NT5DC1: variants seen among roughly 807,000 people sequenced by gnomAD.
NT5DC1 encodes the protein 5'-nucleotidase domain-containing protein 1.
In NT5DC1, 42 loss-of-function variants were observed where a neutral mutation model predicts 59.4. The observed-to-expected ratio is 0.71, with a 90% CI of 0.55 to 0.92. The LOEUF is 0.92. Among genes scored for constraint, NT5DC1 ranks in the 40% least tolerant of loss-of-function variants. The pLI, the probability that NT5DC1 is intolerant of heterozygous loss-of-function variation, is 0.00. For missense variants in NT5DC1, 501 were observed against 537.1 expected (o/e 0.93, Z 0.66); for synonymous variants, 172 against 188.1 (o/e 0.91, Z 0.70).
chr6:116,111,497 A>G (rs1239511471), intron 4 of NT5DC1, among the ~76,000 whole-genome samples: 2 of 152,256 alleles, frequency 1.3e-5, no homozygotes, highest in Non-Finnish European at 2.9e-5. Flanking sequence ...TTATAGACAT[A>G]GATGTGCATA....
Position 116,244,172 on chromosome 6 carries a change from T to G in NT5DC1, c.*148T>G. 4.3e-6 allele frequency: 2 copies of G among 465,960 alleles called. No homozygotes were observed. Among genetic ancestry groups the G allele is most frequent in the Non-Finnish European group, 3.8e-6 (1 of 260,842 alleles). 28.9% of individuals were successfully genotyped at this position (465,960 alleles called of 1,614,324 possible). A position where few individuals can be genotyped will look rare whatever the true frequency, so the allele number is the denominator to read the frequency against. On this transcript the variant is annotated 3_prime_UTR_variant, in exon 12 of 12. Coordinates refer to ENST00000319550, the MANE Select transcript of NT5DC1 (RefSeq NM_152729.3). Reference sequence around the variant, plus strand: ...CCATAGGTCTCCTTTCTATAAATCATCTTGATGTTTAACAACTCTTATTAT... The same window carrying G: ...CCATAGGTCTCCTTTCTATAAATCAGCTTGATGTTTAACAACTCTTATTAT...
intron 6 of NT5DC1, among the ~76,000 whole-genome samples, chr6:116,182,165 G>A (rs946347892): frequency 2.6e-5 from 4 of 151,338 alleles, no homozygotes; most frequent in Admixed American, 2.0e-4. Flanking sequence ...TTTCATCCAG[G>A]TTGCTACAAA....
chr6:116,244,753 CTT>C lies in NT5DC1; in HGVS notation c.*730_*731del, dbSNP rs201202601. On this transcript the variant is annotated 3_prime_UTR_variant, in exon 12 of 12. Coordinates refer to ENST00000319550, the MANE Select transcript of NT5DC1 (RefSeq NM_152729.3). The stretch of plus-strand genomic sequence containing the variant: ...AAAACAAGAAAATAAAAAGACATGA[CTT>C]ATTCTCTGTTCATACAGCAAGTATG... 41 of 152,282 alleles carry C rather than the reference CTT, an allele frequency of 2.7e-4. No individual in the cohort carries two copies. In the East Asian group the frequency reaches 7.5e-3, roughly 28 times the overall value. The allele number at this position is 152,282 out of a possible 1,614,324, so 9.4% of individuals were successfully genotyped here. A position where few individuals can be genotyped will look rare whatever the true frequency, so the allele number is the denominator to read the frequency against.
chr6:116,215,113 T>A (rs568648979), intron 6 of NT5DC1, among the ~76,000 whole-genome samples: 1 of 152,248 alleles, frequency 6.6e-6, no homozygotes, highest in African/African-American at 2.4e-5. Flanking sequence ...GCTTTCCTGG[T>A]TCTGAACATT....
intron 6 of NT5DC1, among the ~76,000 whole-genome samples, chr6:116,130,126 T>C (rs1779424644): frequency 6.6e-6 from 1 of 152,152 alleles, no homozygotes; most frequent in Non-Finnish European, 1.5e-5. Flanking sequence ...TTTTATTTAT[T>C]AGCTAGGATA....
rs1358193083 is a variant in NT5DC1 at position 116,114,488 on chromosome 6, G to A, written c.365-1203G>A. Among the ~76,000 whole-genome samples the A allele has an allele frequency of 6.6e-5, 8 of 121,130 alleles. No homozygotes were observed. In the Admixed American group the frequency reaches 7.7e-4, roughly 12 times the overall value. 79.5% of individuals were successfully genotyped at this position (121,130 alleles called of 152,430 possible). A position where few individuals can be genotyped will look rare whatever the true frequency, so the allele number is the denominator to read the frequency against. ...GTGCCCAGTCAACGCTAAAGAACAA[G>A]ACAAGTGTGTTCCATAACCTCATAT... On this transcript the variant is annotated intron_variant, in intron 4 of 11. Coordinates refer to ENST00000319550, the MANE Select transcript of NT5DC1 (RefSeq NM_152729.3).
At position 116,247,952 on chromosome 6, in the gene NT5DC1, T is replaced by A. The variant is rs889042300; in HGVS notation, c.*3928T>A. The A allele has an allele frequency of 2.6e-5, 4 of 152,248 alleles. No homozygotes were observed. The highest frequency in any genetic ancestry group is 4.4e-5 in the Non-Finnish European group (3 of 68,036). The allele number at this position is 152,248 out of a possible 1,614,324, so 9.4% of individuals were successfully genotyped here. A position where few individuals can be genotyped will look rare whatever the true frequency, so the allele number is the denominator to read the frequency against. ...GGGAACAAACTGATAATTTCATTCA[T>A]GTGCAGCAAACATCAAGGTTACATA... On this transcript the variant is annotated 3_prime_UTR_variant, in exon 12 of 12. Transcript: ENST00000319550.
chr6:116,172,200 T>A (rs542094626), intron 6 of NT5DC1, among the ~76,000 whole-genome samples: 4 of 152,274 alleles, frequency 2.6e-5, no homozygotes, highest in African/African-American at 7.2e-5. Context: ...GATTGAAAAT[T>A]ATTTTTTTCA....
chr6:116,179,255 A>G (rs924031884), intron 6 of NT5DC1, among the ~76,000 whole-genome samples: 1 of 152,144 alleles, frequency 6.6e-6, no homozygotes, highest in African/African-American at 2.4e-5. Context: ...AATACTCCTT[A>G]TCTTATTAAT....
chr6:116,129,177 TATC>T (rs1007655307), intron 6 of NT5DC1, among the ~76,000 whole-genome samples: 10 of 152,226 alleles, frequency 6.6e-5, no homozygotes, highest in African/African-American at 2.4e-4. Context: ...CATTTCTTAA[TATC>T]ATCAAATCCT....
At chr6:116,188,498 TAAAAA>T (rs751144479) in intron 6 of NT5DC1, among the ~76,000 whole-genome samples, 3 of 151,962 alleles carry the variant, frequency 2.0e-5, no homozygotes, top group Non-Finnish European at 4.4e-5. Flanking sequence ...GAATGAATCT[TAAAAA>T]CAGAAAATGA....
At position 116,249,248 on chromosome 6, in the gene NT5DC1, A is replaced by G. The variant is rs1771902356; in HGVS notation, c.*5224A>G. The G allele has an allele frequency of 6.6e-6, 1 of 152,240 alleles. No homozygotes were observed. The highest frequency in any genetic ancestry group is 6.5e-5 in the Admixed American group (1 of 15,288). The allele number at this position is 152,240 out of a possible 1,614,324, so 9.4% of individuals were successfully genotyped here. A position where few individuals can be genotyped will look rare whatever the true frequency, so the allele number is the denominator to read the frequency against. On this transcript the variant is annotated 3_prime_UTR_variant, in exon 12 of 12. Coordinates refer to ENST00000319550, the MANE Select transcript of NT5DC1 (RefSeq NM_152729.3). ...GAAATTGCAAGTAATAATTGCACCAAGAGTCAGCATCTATTTTAACTGTAT... is the reference window on the plus strand; with the variant it reads ...GAAATTGCAAGTAATAATTGCACCAGGAGTCAGCATCTATTTTAACTGTAT...
intron 6 of NT5DC1, among the ~76,000 whole-genome samples, chr6:116,218,331 AAAT>A (rs1263751105): frequency 6.6e-6 from 1 of 152,166 alleles, no homozygotes; most frequent in Non-Finnish European, 1.5e-5. Flanking sequence ...AGCTAAGAAA[AAAT>A]AATTTTTTCT....
chr6:116,139,024 G>A (rs976423454), intron 6 of NT5DC1, among the ~76,000 whole-genome samples: 16 of 151,954 alleles, frequency 1.1e-4, no homozygotes, highest in African/African-American at 3.9e-4. Context: ...ATGATATTTT[G>A]ATCATACATG....
At chr6:116,163,902 T>G (rs1400091712) in intron 6 of NT5DC1, among the ~76,000 whole-genome samples, 1 of 152,194 alleles carries the variant, frequency 6.6e-6, no homozygotes, top group African/African-American at 2.4e-5. Flanking sequence ...ACGTATGTGG[T>G]TTTGAGAGTT....
intron 6 of NT5DC1, chr6:116,126,144 G>GCCT (rs1779299972): frequency 6.6e-6 from 1 of 152,612 alleles, no homozygotes; most frequent in Admixed American, 6.5e-5. Flanking sequence ...CCTCTCAAGA[G>GCCT]CTGTTCAGTG....
rs535791397 is a variant in NT5DC1 at position 116,181,520 on chromosome 6, G to A, written c.530-39534G>A. Among the ~76,000 whole-genome samples, 3 of 152,070 alleles carry A rather than the reference G, an allele frequency of 2.0e-5. No individual in the cohort carries two copies. In the South Asian group the frequency reaches 6.2e-4, roughly 32 times the overall value. On this transcript the variant is annotated intron_variant, in intron 6 of 11. Coordinates refer to ENST00000319550, the MANE Select transcript of NT5DC1 (RefSeq NM_152729.3). ...AAAGAACTTCTTTAATCCCATTATA[G>A]GATATCTCCAAAGCTTCACACTCTT...
rs564013734 is a variant in NT5DC1 at position 116,244,513 on chromosome 6, C to T, written c.*489C>T. 2 of 152,482 alleles carry T rather than the reference C, an allele frequency of 1.3e-5. No individual in the cohort carries two copies. Among genetic ancestry groups the T allele is most frequent in the East Asian group, 3.9e-4 (2 of 5,186 alleles). The allele number at this position is 152,482 out of a possible 1,614,324, so 9.4% of individuals were successfully genotyped here. A position where few individuals can be genotyped will look rare whatever the true frequency, so the allele number is the denominator to read the frequency against. The stretch of plus-strand genomic sequence containing the variant: ...ACAGTTTGAGACCCACTGGCTAGAA[C>T]ATATCCTCCAGAGACTTGGCTTAAT... On this transcript the variant is annotated 3_prime_UTR_variant, in exon 12 of 12. Coordinates refer to ENST00000319550, the MANE Select transcript of NT5DC1 (RefSeq NM_152729.3).
intron 6 of NT5DC1, among the ~76,000 whole-genome samples, chr6:116,174,080 C>T (rs1485385582): frequency 6.6e-6 from 1 of 152,190 alleles, no homozygotes; most frequent in Admixed American, 6.5e-5. Context: ...TGGTTCACTT[C>T]ACAGAAGTGA....
Sources: gnomAD v4.1 joint callset for allele counts (sites outside exome capture counted in the v4.1 genomes callset) on GRCh38, gnomAD v4.1.1 for gene constraint, MANE v1.5 for transcripts, NCBI Gene and HGNC (gene_info 2026-07-23, HGNC 2026-07-21) for gene names.